ERC2: variants seen among roughly 807,000 people sequenced by gnomAD.
ERC2 encodes the protein ELKS/RAB6-interacting/CAST family member 2.
ERC2 carries 42 observed loss-of-function variants against 114.8 expected under a neutral mutation model. The observed-to-expected ratio is 0.37, with a 90% confidence interval of 0.29 to 0.47. ERC2 has a LOEUF of 0.47. Among genes scored for constraint, ERC2 ranks in the 20% least tolerant of loss-of-function variants. The pLI is 0.99. For missense variants in ERC2, 939 were observed against 1,150.7 expected (o/e 0.82, Z 2.66); for synonymous variants, 454 against 425.5 (o/e 1.07, Z -0.82).
intron 6 of ERC2, among the ~76,000 whole-genome samples, chr3:56,122,871 G>A (rs1447258495): frequency 2.0e-5 from 3 of 152,074 alleles, no homozygotes; most frequent in Non-Finnish European, 4.4e-5. Flanking sequence ...CCTGGATTCT[G>A]CTGTCTCGTC....
chr3:56,213,021 T>A (rs925814198), intron 3 of ERC2, among the ~76,000 whole-genome samples: 3 of 152,144 alleles, frequency 2.0e-5, no homozygotes, highest in African/African-American at 7.2e-5. Context: ...CTTTGCGGAC[T>A]TTGGGGAAAG....
At chr3:56,317,549 TA>T (rs1391578982) in intron 2 of ERC2, among the ~76,000 whole-genome samples, 1 of 152,192 alleles carries the variant, frequency 6.6e-6, no homozygotes. Context: ...GAAAGTTCTT[TA>T]ATTTTAATGA....
At chr3:56,123,414 A>C (rs1187734636) in intron 6 of ERC2, among the ~76,000 whole-genome samples, 1 of 151,926 alleles carries the variant, frequency 6.6e-6, no homozygotes, top group Non-Finnish European at 1.5e-5. Flanking sequence ...TAGGACCTTG[A>C]TCTTGGACTT....
intron 2 of ERC2, among the ~76,000 whole-genome samples, chr3:56,384,576 T>C (rs2059867420): frequency 2.6e-5 from 4 of 152,160 alleles, no homozygotes; most frequent in Admixed American, 1.3e-4. Flanking sequence ...TGTCAAGTTA[T>C]AGAAGTTCTT....
intron 6 of ERC2, among the ~76,000 whole-genome samples, chr3:56,090,334 T>G (rs1238329050): frequency 6.6e-6 from 1 of 152,214 alleles, no homozygotes; most frequent in Non-Finnish European, 1.5e-5. Context: ...GTAGTTAACC[T>G]TTTTATAAGC....
rs1036471242 is a variant in ERC2 at position 56,128,349 on chromosome 3, T to G, written c.1473+11160A>C. 2.0e-5 allele frequency among the ~76,000 whole-genome samples: 3 copies of G among 152,166 alleles called. No homozygotes were observed. The East Asian group carries it at 5.8e-4, about 29-fold the overall frequency. ...AGTAATGTTGGTATTTATTTCTTGT[T>G]TATATCTGTGTCTCCAGCACCTAGG... On this transcript the variant is annotated intron_variant, in intron 6 of 17. Transcript: ENST00000288221.
At chr3:56,450,660 C>G (rs2062787584) in intron 1 of ERC2, among the ~76,000 whole-genome samples, 3 of 152,018 alleles carry the variant, frequency 2.0e-5, no homozygotes. Flanking sequence ...CACCCCATCT[C>G]TACAAAAAAT....
At chr3:55,653,460 A>AG (rs2060725678) in intron 17 of ERC2, among the ~76,000 whole-genome samples, 1 of 152,234 alleles carries the variant, frequency 6.6e-6, no homozygotes, top group Non-Finnish European at 1.5e-5. Context: ...AGCACCACAA[A>AG]GCAATGACAG....
chr3:55,570,539 A>G (rs2056646196), intron 17 of ERC2, among the ~76,000 whole-genome samples: 1 of 152,104 alleles, frequency 6.6e-6, no homozygotes, highest in Non-Finnish European at 1.5e-5. Context: ...CGGATGATGC[A>G]TGGGGCTGTT....
rs1382956932 is a variant in ERC2, at chr3:56,018,937, G to A, written c.1736C>T (p.Thr579Ile). 3 of 1,613,198 alleles carry A rather than the reference G, an allele frequency of 1.9e-6. No individual in the cohort carries two copies. In the African/African-American group the frequency reaches 4.0e-5, roughly 22 times the overall value. Reference protein sequence around the residue: ...VKSLQTDSSNTDTALATLEEA... With the variant: ...VKSLQTDSSNIDTALATLEEA... ...CTCTAGCGTCGCCAGTGCAGTATCT[G>A]TATTACTGGAATCCGTCTGCAAGGA... Residue 579 changes from threonine (T) to isoleucine (I), a missense_variant, in exon 8 of 18, where the codon ACA becomes ATA. By Grantham distance (89) the Thr-to-Ile change is moderately conservative (BLOSUM62 -1). Around this residue, in one of 5 missense-constraint regions of ERC2, gnomAD observed 149 missense variants for 254.6 expected, o/e 0.59. Transcript: ENST00000288221.
intron 14 of ERC2, among the ~76,000 whole-genome samples, chr3:55,807,148 T>G (rs2059525251): frequency 1.3e-5 from 2 of 151,716 alleles, no homozygotes; most frequent in South Asian, 4.2e-4. Flanking sequence ...TAAAGAAGAG[T>G]GGATTAAATG....
At chr3:55,650,964 C>G (rs925083081) in intron 17 of ERC2, among the ~76,000 whole-genome samples, 9 of 151,386 alleles carry the variant, frequency 5.9e-5, no homozygotes, top group Admixed American at 5.9e-4. Flanking sequence ...CTCCCTGCCT[C>G]AGCCTCCCAA....
intron 7 of ERC2, among the ~76,000 whole-genome samples, chr3:56,043,257 A>G (rs1484271290): frequency 6.6e-6 from 1 of 152,140 alleles, no homozygotes; most frequent in African/African-American, 2.4e-5. Context: ...AACATTTTGT[A>G]CTCCCCAAAT....
intron 14 of ERC2, among the ~76,000 whole-genome samples, chr3:55,740,622 G>T (rs2065916371): frequency 6.6e-6 from 1 of 152,106 alleles, no homozygotes; most frequent in Non-Finnish European, 1.5e-5. Flanking sequence ...CATACTTCAG[G>T]ATATTTGGCA....
intron 14 of ERC2, among the ~76,000 whole-genome samples, chr3:55,836,142 T>TAGAA (rs2060872605): frequency 6.6e-6 from 1 of 151,928 alleles, no homozygotes; most frequent in South Asian, 2.1e-4. Flanking sequence ...TGCTCCTGGG[T>TAGAA]AGAAAGAATC....
intron 4 of ERC2, among the ~76,000 whole-genome samples, chr3:56,171,985 CAA>C (rs1291429804): frequency 8.4e-6 from 1 of 119,016 alleles, no homozygotes; most frequent in Admixed American, 8.5e-5. Flanking sequence ...AAACAAAAAA[CAA>C]AAAAAAAAAC....
At chr3:56,366,975 T>A (rs1193923917) in intron 2 of ERC2, among the ~76,000 whole-genome samples, 1 of 152,216 alleles carries the variant, frequency 6.6e-6, no homozygotes, top group Non-Finnish European at 1.5e-5. Context: ...TTTGAAGGCA[T>A]CCACTTGTGA....
intron 12 of ERC2, among the ~76,000 whole-genome samples, chr3:55,982,749 C>A (rs1168897637): frequency 2.0e-5 from 3 of 152,174 alleles, no homozygotes; most frequent in Admixed American, 1.3e-4. Flanking sequence ...AATACTGACC[C>A]TAGCAAAGAA....
chr3:55,974,364 C>A (rs1342125630), intron 12 of ERC2, among the ~76,000 whole-genome samples: 1 of 152,206 alleles, frequency 6.6e-6, no homozygotes, highest in Admixed American at 6.5e-5. Flanking sequence ...AAGGCAGATA[C>A]AGATACTGTG....
Sources: gnomAD v4.1 joint callset for allele counts (sites outside exome capture counted in the v4.1 genomes callset) on GRCh38, gnomAD v4.1.1 for gene constraint, gnomAD v4.1.1 regional missense constraint, MANE v1.5 for transcripts, NCBI Gene and HGNC (gene_info 2026-07-23, HGNC 2026-07-21) for gene names.